HAO1: variants seen among roughly 807,000 people sequenced by gnomAD.
The protein encoded by HAO1 is 2-Hydroxyacid oxidase 1.
Under a neutral mutation model 39.7 loss-of-function variants are expected in HAO1, and 34 were observed. The observed-to-expected ratio is 0.86, with a 90% CI of 0.65 to 1.14. The LOEUF is 1.14. Among genes scored for constraint, HAO1 ranks in the 50% most tolerant of loss-of-function variants. The pLI is 0.00. For synonymous variants in HAO1, 172 were observed against 173.2 expected (o/e 0.99, Z 0.05); for missense variants, 479 against 464.5 (o/e 1.03, Z -0.29).
intron 4 of HAO1, among the ~76,000 whole-genome samples, chr20:7,902,061 AAGTGGTTTCTTGGGATG>A (rs1185234775): frequency 6.6e-6 from 1 of 152,218 alleles, no homozygotes; most frequent in Non-Finnish European, 1.5e-5. Context: ...TGAGCAAAGA[AAGTGGTTTCTTGGGATG>A]GAATCAACTC....
intron 7 of HAO1, among the ~76,000 whole-genome samples, chr20:7,885,085 A>C (rs759192479): frequency 4.6e-5 from 7 of 152,168 alleles, no homozygotes; most frequent in Non-Finnish European, 8.8e-5. Flanking sequence ...GTACTGAGCA[A>C]CTGAAACTAT....
intron 1 of HAO1, among the ~76,000 whole-genome samples, 192 bp from the exon 2 acceptor site, chr20:7,934,827 T>C (rs1251662665): frequency 6.6e-6 from 1 of 152,172 alleles, no homozygotes; most frequent in Non-Finnish European, 1.5e-5. Flanking sequence ...AATTAGAGGA[T>C]AATGAATTTC....
intron 2 of HAO1, among the ~76,000 whole-genome samples, chr20:7,922,455 T>G (rs995225104): frequency 1.3e-5 from 2 of 152,124 alleles, no homozygotes; most frequent in African/African-American, 4.8e-5. Context: ...TCTTTTCCCT[T>G]GCAAATATAG....
chr20:7,897,342 T>C (rs1291889355), intron 4 of HAO1, among the ~76,000 whole-genome samples: 16 of 152,212 alleles, frequency 1.1e-4, no homozygotes, highest in Admixed American at 1.0e-3. Context: ...AAATTGTTGG[T>C]CTTTAATAAT....
chr20:7,921,080 C>A (rs1169726689), intron 2 of HAO1, among the ~76,000 whole-genome samples: 1 of 150,812 alleles, frequency 6.6e-6, no homozygotes, highest in Non-Finnish European at 1.5e-5. Context: ...ATAAGGAACT[C>A]AAACAACTCA....
At position 7,940,289 on chromosome 20, in the gene HAO1, G is replaced by T; in HGVS notation, c.134C>A (p.Ser45Tyr). ...ETLADNIAAF[S>Y]RWKLYPRMLR... is the part of the protein sequence containing the mutation. Reference sequence around the variant, plus strand: ...TTTAAAAAATAAATTTTCTTACCTGGAAAATGCTGCAATATTATCAGCCAA... The same window carrying T: ...TTTAAAAAATAAATTTTCTTACCTGTAAAATGCTGCAATATTATCAGCCAA... The change falls in exon 1 of 8, where the codon TCC (serine) becomes TAC (tyrosine). Residue 45 changes from serine (S) to tyrosine (Y), a missense_variant. Ser to Tyr is a moderately radical substitution (Grantham distance 144, BLOSUM62 -2). Coordinates refer to ENST00000378789, the MANE Select transcript of HAO1 (RefSeq NM_017545.3). 6.3e-7 allele frequency: 1 copy of T among 1,595,466 alleles called. No homozygotes were observed. Among genetic ancestry groups the T allele is most frequent in the South Asian group, 1.1e-5 (1 of 87,338 alleles).
intron 1 of HAO1, among the ~76,000 whole-genome samples, chr20:7,936,503 CGT>C (rs71183082): frequency 0.029 from 3,196 of 109,136 alleles, 82 homozygotes; most frequent in South Asian, 0.1. Flanking sequence ...GGGCAGCAGC[CGT>C]GTGTGTGTGT....
chr20:7,907,057 C>A (rs1037451568), intron 3 of HAO1, among the ~76,000 whole-genome samples: 2 of 152,158 alleles, frequency 1.3e-5, no homozygotes, highest in African/African-American at 4.8e-5. Flanking sequence ...CCTGTAGACT[C>A]CTTCTTGCCT....
At chr20:7,909,360 C>CATATATAT (rs749171756) in intron 3 of HAO1, among the ~76,000 whole-genome samples, 67 of 109,036 alleles carry the variant, frequency 6.1e-4, no homozygotes, top group African/African-American at 2.3e-3. Flanking sequence ...CGGATTATGA[C>CATATATAT]ATATATATAT....
intron 2 of HAO1, among the ~76,000 whole-genome samples, chr20:7,930,211 G>T (rs2050379576): frequency 1.3e-5 from 2 of 152,016 alleles, no homozygotes; most frequent in Non-Finnish European, 1.5e-5. Flanking sequence ...CCTGGAGACA[G>T]GAATGCTTAG....
rs1246522197 is a variant in HAO1, at chr20:7,924,191, G to A, written c.290-9772C>T. On this transcript the variant is annotated intron_variant, in intron 2 of 7. Coordinates refer to ENST00000378789, the MANE Select transcript of HAO1 (RefSeq NM_017545.3). ...ATGATTTTGGTTTGGTTTAGTTTGG[G>A]TTGTGTTGTTGTTGTTGTTGTTGTT... 2.5e-5 allele frequency among the ~76,000 whole-genome samples: 3 copies of A among 122,006 alleles called. No homozygotes were observed. The East Asian group carries it at 9.3e-4, about 38-fold the overall frequency. 80.0% of individuals were successfully genotyped at this position (122,006 alleles called of 152,430 possible).
intron 3 of HAO1, among the ~76,000 whole-genome samples, chr20:7,908,156 G>A (rs143204650): frequency 0.011 from 1,630 of 152,172 alleles, 27 homozygotes; most frequent in African/African-American, 0.037. Context: ...TTGGGAGGCC[G>A]AGGTGGGCAG....
In HAO1 at chr20:7,938,944, A is replaced by G. The variant is rs146784450; in HGVS notation, c.137+1342T>C. 1.7e-3 allele frequency among the ~76,000 whole-genome samples: 253 copies of G among 152,312 alleles called. 1 individual carries two copies. The highest frequency in any genetic ancestry group is 5.8e-3 in the African/African-American group (243 of 41,558). On this transcript the variant is annotated intron_variant, in intron 1 of 7. Coordinates refer to ENST00000378789, the MANE Select transcript of HAO1 (RefSeq NM_017545.3). Reference sequence around the variant, plus strand: ...TCACTTGAGCATTGGAGGTCTAGCAATGCTGAGACACTAACTCTATAAATC... The same window carrying G: ...TCACTTGAGCATTGGAGGTCTAGCAGTGCTGAGACACTAACTCTATAAATC...
intron 5 of HAO1, among the ~76,000 whole-genome samples, chr20:7,891,022 C>G (rs1179555498): frequency 6.6e-6 from 1 of 152,148 alleles, no homozygotes; most frequent in Non-Finnish European, 1.5e-5. Flanking sequence ...GTGCAAGTAT[C>G]TTTTTCGAAT....
chr20:7,905,223 C>T (rs2050241853), intron 4 of HAO1, among the ~76,000 whole-genome samples: 1 of 149,142 alleles, frequency 6.7e-6, no homozygotes. Context: ...AACATATCTC[C>T]ACTACTTAAA....
chr20:7,883,715 G>T, intron 7 of HAO1, 52 bp from the exon 8 acceptor site: 2 of 1,273,210 alleles, frequency 1.6e-6, no homozygotes, highest in Non-Finnish European at 2.3e-6. Flanking sequence ...TAATAATCAG[G>T]CAGGTAATCG....
At chr20:7,893,360 C>A (rs989763444) in intron 5 of HAO1, among the ~76,000 whole-genome samples, 18 of 152,142 alleles carry the variant, frequency 1.2e-4, no homozygotes, top group African/African-American at 4.3e-4. Context: ...AAGATGATAA[C>A]AGCTCTTTAC....
At chr20:7,908,897 A>G (rs1277587591) in intron 3 of HAO1, among the ~76,000 whole-genome samples, 3 of 152,210 alleles carry the variant, frequency 2.0e-5, no homozygotes, top group Non-Finnish European at 4.4e-5. Context: ...TTCATTACAT[A>G]CAAATGATTA....
chr20:7,932,306 G>A (rs2050389573), intron 2 of HAO1, among the ~76,000 whole-genome samples: 2 of 152,148 alleles, frequency 1.3e-5, no homozygotes, highest in Non-Finnish European at 2.9e-5. Context: ...AGTGTGAGAA[G>A]GAACTAATAC....
Sources: allele counts gnomAD v4.1 joint callset (sites outside exome capture counted in the v4.1 genomes callset), GRCh38; gene constraint gnomAD v4.1.1; transcripts MANE v1.5; gene names NCBI Gene and HGNC (gene_info 2026-07-23, HGNC 2026-07-21).